PRICKLE1: variants seen among roughly 807,000 people sequenced by gnomAD.
PRICKLE1 encodes the protein prickle planar cell polarity protein 1, also known as prickle-like protein 1.
PRICKLE1 carries 14 observed loss-of-function variants against 70.2 expected under a neutral mutation model. The observed-to-expected ratio is 0.20, with a 90% CI of 0.13 to 0.31. The LOEUF (loss-of-function observed/expected upper bound fraction) is 0.31. Ranked by LOEUF, PRICKLE1 falls within the 10% of genes least tolerant of loss-of-function variation. The pLI, the probability that PRICKLE1 is intolerant of heterozygous loss-of-function variation, is 1.00. For synonymous variants in PRICKLE1, 357 were observed against 379.9 expected (o/e 0.94, Z 0.70); for missense variants, 821 against 1,026.2 (o/e 0.80, Z 2.73).
At chr12:42,507,197 C>A (rs1477329127) in intron 1 of PRICKLE1, among the ~76,000 whole-genome samples, 1 of 152,170 alleles carries the variant, frequency 6.6e-6, no homozygotes, top group African/African-American at 2.4e-5. Flanking sequence ...GGCTGCTGGG[C>A]AGCTGCTGTC....
chr12:42,564,728 A>C (rs1940593699), intron 1 of PRICKLE1, among the ~76,000 whole-genome samples: 1 of 152,252 alleles, frequency 6.6e-6, no homozygotes, highest in Admixed American at 6.5e-5. Context: ...TTAGTTCTAA[A>C]AGAATGTAGT....
At chr12:42,563,918 G>A (rs1940573330) in intron 1 of PRICKLE1, among the ~76,000 whole-genome samples, 2 of 151,842 alleles carry the variant, frequency 1.3e-5, no homozygotes, top group Admixed American at 6.6e-5. Context: ...TTTCTAAAGT[G>A]AAATATCATC....
chr12:42,569,550 T>G (rs1015001067), intron 1 of PRICKLE1, among the ~76,000 whole-genome samples: 3 of 152,216 alleles, frequency 2.0e-5, no homozygotes, highest in Admixed American at 1.3e-4. Flanking sequence ...ACTCAGGTTT[T>G]TATATACCAG....
In PRICKLE1 at chr12:42,589,369, G is replaced by C. The variant is rs1344512994; in HGVS notation, c.-49+96C>G. ...GGTGTCACAGACTCCGGCGGTGCCA[G>C]CGAAGGTGCCCGGCCCTACCCCTGC... On this transcript the variant is annotated intron_variant, in intron 1 of 7. Coordinates refer to ENST00000345127, the MANE Select transcript of PRICKLE1 (RefSeq NM_153026.3). The surrounding 1 kb of genome is among the most constrained non-coding windows in gnomAD (Gnocchi z 5.0). 1 of 152,330 alleles carries C rather than the reference G, an allele frequency of 6.6e-6. No individual in the cohort carries two copies. Among genetic ancestry groups the C allele is most frequent in the Non-Finnish European group, 1.5e-5 (1 of 68,178 alleles). 9.4% of individuals were successfully genotyped at this position (152,330 alleles called of 1,614,324 possible).
At chr12:42,579,530 A>AAT (rs1940863025) in intron 1 of PRICKLE1, among the ~76,000 whole-genome samples, 1 of 152,188 alleles carries the variant, frequency 6.6e-6, no homozygotes, top group South Asian at 2.1e-4. Flanking sequence ...TTCACATAAT[A>AAT]ATTAAAGAGA....
Position 42,460,043 on chromosome 12 carries a change from G to C in PRICKLE1, c.2262C>G (p.Leu754=), listed in dbSNP as rs727504104. The change falls in exon 8 of 8, where the codon CTC becomes CTG. Residue 754 remains leucine, a synonymous_variant. Transcript: ENST00000345127. ...ACCAGGAATCATCATCCTCGCCGTA[G>C]AGTCCCAGAAACCGATTCATTCCTG... ...QNPGMNRFLG[L]YGEDDDSWCS... 29 of 1,613,996 alleles carry C rather than the reference G, an allele frequency of 1.8e-5. No homozygotes were observed. In the Middle Eastern group the frequency reaches 3.1e-3, roughly 174 times the overall value.
chr12:42,545,644 T>C (rs576947212), intron 1 of PRICKLE1, among the ~76,000 whole-genome samples: 80 of 151,782 alleles, frequency 5.3e-4, no homozygotes, highest in African/African-American at 1.9e-3. Flanking sequence ...AAGTCAGGAG[T>C]TTGAGACCAG....
chr12:42,499,316 G>A (rs1448816400), intron 1 of PRICKLE1, among the ~76,000 whole-genome samples: 8 of 152,148 alleles, frequency 5.3e-5, no homozygotes, highest in Non-Finnish European at 2.9e-5. Flanking sequence ...TGCTCTAAAT[G>A]ACTATTTGTT....
chr12:42,484,838 G>A (rs1007186752), intron 1 of PRICKLE1, among the ~76,000 whole-genome samples: 1 of 152,146 alleles, frequency 6.6e-6, no homozygotes, highest in African/African-American at 2.4e-5. Flanking sequence ...TGATAGATTA[G>A]TACTCATCAG....
At chr12:42,585,760 T>A (rs1048087438) in intron 1 of PRICKLE1, among the ~76,000 whole-genome samples, 1 of 152,152 alleles carries the variant, frequency 6.6e-6, no homozygotes, top group African/African-American at 2.4e-5. Flanking sequence ...TGTTCATTCA[T>A]CAACACGTAG....
chr12:42,492,487 C>T (rs926811026), intron 1 of PRICKLE1, among the ~76,000 whole-genome samples: 1 of 152,146 alleles, frequency 6.6e-6, no homozygotes, highest in South Asian at 2.1e-4. Flanking sequence ...AGAATTATTT[C>T]GAGCAGCCAG....
intron 1 of PRICKLE1, among the ~76,000 whole-genome samples, chr12:42,485,950 A>G (rs1272122684): frequency 3.3e-5 from 5 of 152,244 alleles, no homozygotes; most frequent in African/African-American, 4.8e-5. Context: ...TTCAATCTCA[A>G]TGAAACAGAC....
intron 1 of PRICKLE1, among the ~76,000 whole-genome samples, chr12:42,552,855 G>A (rs1940340820): frequency 6.6e-6 from 1 of 152,242 alleles, no homozygotes; most frequent in South Asian, 2.1e-4. Flanking sequence ...TGGAGTGGGA[G>A]TGGATGTTTT....
chr12:42,540,827 C>A (rs561420866), intron 1 of PRICKLE1, among the ~76,000 whole-genome samples: 1 of 152,140 alleles, frequency 6.6e-6, no homozygotes, highest in Non-Finnish European at 1.5e-5. Context: ...TCCCAAAGTG[C>A]TGGGATTACA....
intron 1 of PRICKLE1, among the ~76,000 whole-genome samples, chr12:42,556,987 TTC>T (rs1270158407): frequency 2.0e-5 from 3 of 151,716 alleles, no homozygotes; most frequent in Non-Finnish European, 2.9e-5. Flanking sequence ...AAAACAAAAT[TTC>T]TGTTTTTTTT....
intron 1 of PRICKLE1, among the ~76,000 whole-genome samples, chr12:42,486,844 G>A (rs192045671): frequency 6.6e-6 from 1 of 152,282 alleles, no homozygotes; most frequent in East Asian, 1.9e-4. Flanking sequence ...TAAATGATTA[G>A]ATGTCTTTCA....
At chr12:42,486,757 G>A (rs1323490122) in intron 1 of PRICKLE1, among the ~76,000 whole-genome samples, 4 of 152,152 alleles carry the variant, frequency 2.6e-5, no homozygotes, top group Non-Finnish European at 5.9e-5. Flanking sequence ...AAGGGTAAGA[G>A]TTAGTTGCTC....
intron 1 of PRICKLE1, chr12:42,483,425 G>T (rs1938878138): frequency 6.6e-6 from 1 of 151,746 alleles, no homozygotes; most frequent in South Asian, 2.1e-4. Flanking sequence ...TCGCGGCGCC[G>T]GCCCCTGAGC....
intron 1 of PRICKLE1, among the ~76,000 whole-genome samples, chr12:42,525,873 C>T (rs567564705): frequency 7.9e-4 from 121 of 152,246 alleles, no homozygotes; most frequent in Middle Eastern, 3.4e-3. Context: ...ACCATGTTTG[C>T]CACATACTAA....
Sources: allele counts gnomAD v4.1 joint callset (sites outside exome capture counted in the v4.1 genomes callset), GRCh38; gene constraint gnomAD v4.1.1; non-coding constraint Gnocchi (gnomAD v3.1); transcripts MANE v1.5; gene names NCBI Gene and HGNC (gene_info 2026-07-23, HGNC 2026-07-21).